The following USH2A variants were observed in gnomAD, a reference collection of about 807,000 sequenced individuals.
USH2A encodes Usher syndrome 2A (autosomal recessive, mild).
A neutral mutation model predicts 538.9 loss-of-function variants in USH2A; 443 were observed. The observed-to-expected ratio is 0.82, with a 90% confidence interval of 0.76 to 0.89. The LOEUF is 0.89. Among genes scored for constraint, USH2A ranks in the 40% least tolerant of loss-of-function variants. USH2A has a pLI of 0.00. For missense variants in USH2A, 6,633 were observed against 6,324.8 expected, an observed-to-expected ratio of 1.05 and a Z score of -1.65; for synonymous variants, 2,413 against 2,273.5, an observed-to-expected ratio of 1.06 and a Z score of -1.75.
chr1:216,062,509 AACT>A (rs1485632818), intron 30 of USH2A, among the ~76,000 whole-genome samples: 2 of 152,246 alleles, frequency 1.3e-5, no homozygotes, highest in African/African-American at 2.4e-5. Flanking sequence ...TTATAAAGGT[AACT>A]ATGAATTCAT....
intron 19 of USH2A, among the ~76,000 whole-genome samples, 160 bp downstream of exon 19, chr1:216,196,393 C>T (rs1315423832): frequency 6.6e-6 from 1 of 151,940 alleles, no homozygotes; most frequent in Non-Finnish European, 1.5e-5. Flanking sequence ...AAGTGACATA[C>T]AAAGAGGGAG....
At chr1:215,907,765 A>G (rs1410153831) in intron 38 of USH2A, among the ~76,000 whole-genome samples, 3 of 152,058 alleles carry the variant, frequency 2.0e-5, no homozygotes, top group South Asian at 2.1e-4. Flanking sequence ...AAAAGTAATT[A>G]AAGAGATACC....
chr1:215,647,406 G>T (rs937087235), intron 67 of USH2A, 116 bp downstream of exon 67: 2 of 1,205,518 alleles, frequency 1.7e-6, no homozygotes, highest in Non-Finnish European at 2.4e-6. Flanking sequence ...GTAACATTCA[G>T]TGTTATTGAG....
At chr1:216,242,036 G>A (rs1337896503) in intron 13 of USH2A, among the ~76,000 whole-genome samples, 6 of 152,114 alleles carry the variant, frequency 3.9e-5, no homozygotes, top group Admixed American at 2.0e-4. Flanking sequence ...CCTTGTTAAA[G>A]TTTCAATATC....
At position 215,728,218 on chromosome 1, in the gene USH2A, T is replaced by G. The variant is rs1571626743; in HGVS notation, c.11878A>C (p.Thr3960Pro). 2 of 1,613,970 alleles carry G rather than the reference T, an allele frequency of 1.2e-6. No homozygotes were observed. Among genetic ancestry groups the G allele is most frequent in the Non-Finnish European group, 1.7e-6 (2 of 1,179,984 alleles). ...AAATCTTGAGGTGGAGCTTCCAGAG[T>G]TTGTGTTAATGACCACAGACTCTCC... ...SVESLWSLTQ[T>P]LEAPPQDFPA... The change falls in exon 61 of 72, where the codon ACT (threonine) becomes CCT (proline). Residue 3960 changes from threonine to proline, a missense_variant. Transcript: ENST00000307340.
chr1:215,743,168 G>A lies in USH2A; in HGVS notation c.11548+9C>T. 6.2e-7 allele frequency: 1 copy of A among 1,607,786 alleles called. No individual in the cohort carries two copies. The highest frequency in any genetic ancestry group is 8.5e-7 in the Non-Finnish European group (1 of 1,176,420). On this transcript the variant is annotated intron_variant, in intron 59 of 71. Coordinates refer to ENST00000307340, the MANE Select transcript of USH2A (RefSeq NM_206933.4). ...AAAAGCCCAGGCCAAGTGTCTGAAA[G>A]ACTTTCACCATTTTGACATGCTTGT...
intron 64 of USH2A, among the ~76,000 whole-genome samples, chr1:215,658,157 G>C (rs528168394): frequency 1.1e-4 from 16 of 151,780 alleles, no homozygotes; most frequent in Non-Finnish European, 1.8e-4. Flanking sequence ...GGATGGTCTC[G>C]ATCTCCTGAC....
chr1:215,819,222 G>T (rs1662941786), intron 47 of USH2A, among the ~76,000 whole-genome samples: 2 of 151,490 alleles, frequency 1.3e-5, no homozygotes, highest in Non-Finnish European at 3.0e-5. Flanking sequence ...ATGCTTTTTT[G>T]CTATCGTGTA....
At chr1:215,975,056 G>A (rs1165235389) in intron 35 of USH2A, among the ~76,000 whole-genome samples, 4 of 152,012 alleles carry the variant, frequency 2.6e-5, no homozygotes, top group Admixed American at 1.3e-4. Context: ...GATGGTACTC[G>A]TTGTGGTTTT....
At chr1:216,196,145 T>A (rs912271026) in intron 19 of USH2A, among the ~76,000 whole-genome samples, 2 of 152,180 alleles carry the variant, frequency 1.3e-5, no homozygotes, top group African/African-American at 4.8e-5. Context: ...GAAATGTACA[T>A]ATAAGAAGTT....
chr1:216,039,237 G>A (rs1261014079), intron 32 of USH2A, among the ~76,000 whole-genome samples: 1 of 151,988 alleles, frequency 6.6e-6, no homozygotes, highest in African/African-American at 2.4e-5. Flanking sequence ...GAACAACCTT[G>A]AACAACTATT....
chr1:216,275,184 A>G (rs2102586689), intron 11 of USH2A, among the ~76,000 whole-genome samples: 1 of 152,046 alleles, frequency 6.6e-6, no homozygotes, highest in East Asian at 1.9e-4. Flanking sequence ...TTTCGCTCAG[A>G]GGATATAAGC....
At chr1:216,238,138 T>C (rs986437275) in intron 13 of USH2A, among the ~76,000 whole-genome samples, 3 of 152,224 alleles carry the variant, frequency 2.0e-5, no homozygotes, top group Non-Finnish European at 4.4e-5. Flanking sequence ...TACTTTGTTT[T>C]ATGAATTGTA....
At chr1:216,234,998 A>G (rs1239685341) in intron 13 of USH2A, among the ~76,000 whole-genome samples, 1 of 152,172 alleles carries the variant, frequency 6.6e-6, no homozygotes, top group East Asian at 1.9e-4. Context: ...GCCTGATTAT[A>G]AAGGTTAATC....
intron 67 of USH2A, 99 bp from the exon 68 acceptor site, chr1:215,640,833 ACC>A: frequency 1.0e-6 from 1 of 977,112 alleles, no homozygotes; most frequent in African/African-American, 2.0e-5. Context: ...ATCAAACCGA[ACC>A]AATCCAAACA....
intron 32 of USH2A, among the ~76,000 whole-genome samples, chr1:216,034,439 C>T (rs970288692): frequency 9.2e-5 from 14 of 152,054 alleles, no homozygotes; most frequent in Admixed American, 2.6e-4. Flanking sequence ...TTTGTCCTCC[C>T]AAAAGGTATC....
At chr1:216,369,920 C>CAAAAAAAAAAAAAAA (rs71161416) in intron 3 of USH2A, among the ~76,000 whole-genome samples, 1 of 127,392 alleles carries the variant, frequency 7.8e-6, no homozygotes. Context: ...GAGACTCTGC[C>CAAAAAAAAAAAAAAA]AAAAAAAAAA....
chr1:216,326,593 A>T lies in USH2A; in HGVS notation c.849-994T>A, dbSNP rs571882504. Among the ~76,000 whole-genome samples the T allele has an allele frequency of 8.2e-4, 125 of 152,300 alleles. 1 individual carries two copies. The South Asian group carries it at 8.7e-3, about 11-fold the overall frequency. On this transcript the variant is annotated intron_variant, in intron 5 of 71. Transcript: ENST00000307340. The stretch of plus-strand genomic sequence containing the variant: ...CCCTTCAGCATTTTAGACAAAGGTG[A>T]TCTAAAATATAGTAAGGCTTTTGGC...
intron 46 of USH2A, among the ~76,000 whole-genome samples, chr1:215,840,134 A>T (rs115594411): frequency 0.011 from 1,474 of 139,558 alleles, 27 homozygotes; most frequent in African/African-American, 0.038. Context: ...ATGCACTCCA[A>T]CCTGGGTGAG....
Sources: gnomAD v4.1 joint callset for allele counts (sites outside exome capture counted in the v4.1 genomes callset) on GRCh38, gnomAD v4.1.1 for gene constraint, MANE v1.5 for transcripts, NCBI Gene and HGNC (gene_info 2026-07-23, HGNC 2026-07-21) for gene names.